The following ZNF30 variants were observed in gnomAD, a reference collection of about 807,000 sequenced individuals.
ZNF30 encodes zinc finger protein 30 (KOX 28).
Under a neutral mutation model 13.2 loss-of-function variants are expected in ZNF30, and 15 were observed. The observed-to-expected ratio is 1.13, with a 90% CI of 0.76 to 1.75. ZNF30 has a LOEUF of 1.75. Among genes scored for constraint, ZNF30 ranks in the 40% most tolerant of loss-of-function variants. The pLI, the probability that ZNF30 is intolerant of heterozygous loss-of-function variation, is 0.00. For missense variants in ZNF30, 726 were observed against 757.0 expected, an observed-to-expected ratio of 0.96 and a Z score of 0.48; for synonymous variants, 223 against 256.6, an observed-to-expected ratio of 0.87 and a Z score of 1.25.
At chr19:34,924,737 G>C (rs1291532456), upstream of ZNF30, among the ~76,000 whole-genome samples, 85 of 152,178 alleles carry the variant, frequency 5.6e-4, no homozygotes, top group Non-Finnish European at 7.3e-5. Flanking sequence ...TTTGTCTTCA[G>C]ACATTGTAAT....
At chr19:34,934,814 A>G (rs7253119) in intron 4 of ZNF30, among the ~76,000 whole-genome samples, 65,518 of 151,984 alleles carry the variant, frequency 0.43, 15,676 homozygotes, top group African/African-American at 0.65. Flanking sequence ...CATAATGAAC[A>G]CAGGGCTTAA....
Position 34,931,940 on chromosome 19 carries a change from G to A in ZNF30, c.107G>A (p.Arg36Lys). The change falls in exon 3 of 5, where the codon AGG becomes AAG. Residue 36 changes from arginine to lysine, a missense_variant. Transcript: ENST00000601142. ...TGGGAGAGTCTGGACTCTTCCCAGA[G>A]GGGCTTGTACAGAGATGTGATGTTG... ...QEWESLDSSQ[R>K]GLYRDVMLEN... The A allele has an allele frequency of 1.2e-6, 2 of 1,613,294 alleles. No individual in the cohort carries two copies. The highest frequency in any genetic ancestry group is 4.5e-5 in the East Asian group (2 of 44,840).
rs2651125 is a variant in ZNF30 at position 34,927,188 on chromosome 19, G to A, written c.-93G>A. The A allele has an allele frequency of 0.38, 145,706 of 385,732 alleles. 29,521 individuals carry two copies. Among genetic ancestry groups the A allele is most frequent in the African/African-American group, 0.62 (30,075 of 48,182 alleles). The allele number at this position is 385,732 out of a possible 1,614,324, so 23.9% of individuals were successfully genotyped here. Reference sequence around the variant, plus strand: ...AGCACCGGGAGCTCTGCAGACCTGTGTCGGCGCGGAACCCGGACTGAGACA... The same window carrying A: ...AGCACCGGGAGCTCTGCAGACCTGTATCGGCGCGGAACCCGGACTGAGACA... On this transcript the variant is annotated 5_prime_UTR_variant, in exon 1 of 5. Transcript: ENST00000601142.
At chr19:34,928,961 C>A (rs2545997) in intron 1 of ZNF30, among the ~76,000 whole-genome samples, 6,237 of 152,136 alleles carry the variant, frequency 0.041, 435 homozygotes, top group African/African-American at 0.14. Flanking sequence ...GTATCTCCCC[C>A]CTGTGGATAA....
chr19:34,926,858 A>T, upstream of ZNF30: 1 of 397,346 alleles, frequency 2.5e-6, no homozygotes, highest in Non-Finnish European at 4.4e-6. Flanking sequence ...GCGCATTCTC[A>T]GCCGGACGGG....
intron 4 of ZNF30, among the ~76,000 whole-genome samples, chr19:34,936,770 C>A (rs1266295503): frequency 1.3e-5 from 2 of 152,052 alleles, no homozygotes; most frequent in Non-Finnish European, 2.9e-5. Flanking sequence ...GTGGTACATA[C>A]CTGCAGTCCC....
chr19:34,934,970 C>T (rs1415620538), intron 4 of ZNF30, among the ~76,000 whole-genome samples: 1 of 152,128 alleles, frequency 6.6e-6, no homozygotes, highest in Admixed American at 6.5e-5. Context: ...TGGCTCACGC[C>T]TGTAATCCCA....
In ZNF30 at chr19:34,943,209, A is replaced by C; in HGVS notation, c.257-14A>C. ...CAAATAGAAAAATAAGATATTTTTA[A>C]AATTTTCTTTCAGATTTGCAGTTGG... On this transcript the variant is annotated splice_polypyrimidine_tract_variant and intron_variant, in intron 4 of 4. Transcript: ENST00000601142. 3 of 1,443,184 alleles carry C rather than the reference A, an allele frequency of 2.1e-6. No homozygotes were observed. Among genetic ancestry groups the C allele is most frequent in the Non-Finnish European group, 2.7e-6 (3 of 1,096,166 alleles). 89.4% of individuals were successfully genotyped at this position (1,443,184 alleles called of 1,614,324 possible).
rs371194817 is a variant in ZNF30, at chr19:34,941,839, T to C, written c.257-1384T>C. ...AATATGGCAATATTTTAAAAGGTGG[T>C]AAACAGTTTTGTCTCAATATATCAA... On this transcript the variant is annotated intron_variant, in intron 4 of 4. Coordinates refer to ENST00000601142, the MANE Select transcript of ZNF30 (RefSeq NM_194325.3). Among the ~76,000 whole-genome samples, 12 of 152,020 alleles carry C rather than the reference T, an allele frequency of 7.9e-5. No individual in the cohort carries two copies. In the East Asian group the frequency reaches 1.9e-3, roughly 24 times the overall value.
intron 2 of ZNF30, 44 bp downstream of exon 2, chr19:34,930,000 C>T (rs766798811): frequency 1.2e-5 from 19 of 1,578,764 alleles, no homozygotes; most frequent in Admixed American, 3.6e-5. Context: ...TTTTATATTA[C>T]GTGGCTATTT....
chr19:34,939,808 A>G lies in ZNF30; in HGVS notation c.257-3415A>G, dbSNP rs77072965. Among the ~76,000 whole-genome samples, 1,039 of 152,268 alleles carry G rather than the reference A, an allele frequency of 6.8e-3. 7 individuals carry two copies. The highest frequency in any genetic ancestry group is 0.024 in the African/African-American group (992 of 41,548). On this transcript the variant is annotated intron_variant, in intron 4 of 4. Transcript: ENST00000601142. ...TCCTATTTAGTCTTTCTTTTTTCAC[A>G]TGCTTGGGCATAATTGACAAATAAT...
At chr19:34,942,539 G>T (rs2013096603) in intron 4 of ZNF30, 8 of 886,526 alleles carry the variant, frequency 9.0e-6, no homozygotes, top group Non-Finnish European at 1.1e-5. Flanking sequence ...CTTAGACAAA[G>T]TTAGCAGTTT....
intron 2 of ZNF30, 94 bp from the exon 3 acceptor site, chr19:34,931,749 C>T (rs966719544): frequency 2.3e-6 from 3 of 1,298,900 alleles, no homozygotes; most frequent in African/African-American, 3.0e-5. Flanking sequence ...AAGCTTCCAG[C>T]CTATGTGATT....
chr19:34,944,586 T>C lies in ZNF30; in HGVS notation c.1620T>C (p.Tyr540=), dbSNP rs769354179. 3.0e-5 allele frequency: 48 copies of C among 1,614,036 alleles called. No homozygotes were observed. Among genetic ancestry groups the C allele is most frequent in the Non-Finnish European group, 3.8e-5 (45 of 1,180,024 alleles). ...GAATTCATACTGGGGAGAAACCCTA[T>C]GAATGTAACAAATGTGGGAAAGCCT... ...HQRIHTGEKP[Y]ECNKCGKAFT... is the part of the protein sequence containing the mutation. Residue 540 remains tyrosine, a synonymous_variant, in exon 5 of 5, where the codon TAT becomes TAC. Transcript: ENST00000601142.
At chr19:34,930,717 G>T (rs536834611) in intron 2 of ZNF30, among the ~76,000 whole-genome samples, 1 of 152,078 alleles carries the variant, frequency 6.6e-6, no homozygotes, top group South Asian at 2.1e-4. Flanking sequence ...TTTTTAATTA[G>T]CCAGGCATGG....
At position 34,944,268 on chromosome 19, in the gene ZNF30, C is replaced by A; in HGVS notation, c.1302C>A (p.Gly434=). ...GEKPYECKEC[G]KAFISRHQLT... is the part of the protein sequence containing the mutation. ...AACCCTATGAATGTAAGGAATGTGG[C>A]AAAGCCTTTATTAGTCGCCATCAGC... Residue 434 remains glycine, a synonymous_variant, in exon 5 of 5, where the codon GGC becomes GGA. Transcript: ENST00000601142. 6.2e-7 allele frequency: 1 copy of A among 1,608,276 alleles called. No individual in the cohort carries two copies. Among genetic ancestry groups the A allele is most frequent in the Non-Finnish European group, 8.5e-7 (1 of 1,178,302 alleles).
chr19:34,942,550 A>G (rs2013097137), intron 4 of ZNF30: 2 of 1,029,184 alleles, frequency 1.9e-6, no homozygotes, highest in South Asian at 3.1e-5. Context: ...TTAGCAGTTT[A>G]CCATATTCCT....
intron 4 of ZNF30, among the ~76,000 whole-genome samples, chr19:34,942,253 G>C (rs1177988173): frequency 6.6e-6 from 1 of 152,016 alleles, no homozygotes; most frequent in Non-Finnish European, 1.5e-5. Flanking sequence ...GACCAGCCTG[G>C]GCAATGTGGC....
chr19:34,941,338 T>C (rs562898929), intron 4 of ZNF30, among the ~76,000 whole-genome samples: 27 of 152,288 alleles, frequency 1.8e-4, no homozygotes, highest in South Asian at 6.2e-4. Context: ...GATCTTGGCT[T>C]ACTGCAGCCT....
Sources: gnomAD v4.1 joint callset for allele counts (sites outside exome capture counted in the v4.1 genomes callset) on GRCh38, gnomAD v4.1.1 for gene constraint, MANE v1.5 for transcripts, NCBI Gene and HGNC (gene_info 2026-07-23, HGNC 2026-07-21) for gene names.